DMD: variants seen among roughly 807,000 people sequenced by gnomAD.
DMD encodes the protein dystrophin, also known as mutant dystrophin.
In DMD, 63 loss-of-function variants were observed where a neutral mutation model predicts 330.1. The ratio of observed to expected loss-of-function variants is 0.19; its 90% CI spans 0.16 to 0.24. The LOEUF (loss-of-function observed/expected upper bound fraction) is 0.24, where lower values mean the gene tolerates loss of function less well. Among genes scored for constraint, DMD ranks in the 10% least tolerant of loss-of-function variants. The pLI, the probability that DMD is intolerant of heterozygous loss-of-function variation, is 1.00. For missense variants in DMD, 3,344 were observed against 2,684.1 expected (o/e 1.25, Z -5.43); for synonymous variants, 1,223 against 959.8 (o/e 1.27, Z -5.07).
intron 67 of DMD, among the ~76,000 whole-genome samples, chrX:31,195,591 G>A (rs1433918998): frequency 9.0e-6 from 1 of 110,628 alleles, no homozygotes; most frequent in African/African-American, 3.3e-5. Flanking sequence ...TCCAGTTCAG[G>A]AAAAGGCAAA....
intron 5 of DMD, among the ~76,000 whole-genome samples, chrX:32,822,667 G>A (rs931190413): frequency 7.3e-5 from 8 of 109,372 alleles, no homozygotes; most frequent in Non-Finnish European, 1.3e-4. Context: ...ATATATGTGT[G>A]TATATATAGA....
chrX:33,072,198 A>T (rs1472498005), intron 1 of DMD, among the ~76,000 whole-genome samples: 2 of 112,181 alleles, frequency 1.8e-5, no homozygotes, highest in Non-Finnish European at 3.8e-5. Context: ...CAGGCGGATC[A>T]CCTGAGGTCA....
chrX:33,032,925 A>T (rs1414825649), intron 1 of DMD, among the ~76,000 whole-genome samples: 8 of 112,314 alleles, frequency 7.1e-5, no homozygotes. Context: ...GCCAAAAATT[A>T]TAAATAGGAA....
chrX:32,652,871 G>C (rs2060267257), intron 9 of DMD, among the ~76,000 whole-genome samples: 1 of 111,875 alleles, frequency 8.9e-6, no homozygotes, highest in African/African-American at 3.3e-5. Context: ...ATGTGCAATG[G>C]TATCTCATTG....
At chrX:32,085,629 C>CGTGT (rs1226156180) in intron 44 of DMD, among the ~76,000 whole-genome samples, 1 of 55,040 alleles carries the variant, frequency 1.8e-5, no homozygotes, top group African/African-American at 6.8e-5. Context: ...TATATATATA[C>CGTGT]ACATATATAC....
At position 31,121,205 on chromosome X, in the gene DMD, T is replaced by C. The variant is rs1451887119; in HGVS notation, c.*714A>G. ...ATAGAAATTCGTATCTCTTTATCTA[T>C]ATAACTATAGTATTTATATACTTAT... On this transcript the variant is annotated 3_prime_UTR_variant, in exon 79 of 79. Transcript: ENST00000357033. 1 of 111,878 alleles carries C rather than the reference T, an allele frequency of 8.9e-6. No homozygotes were observed. Among genetic ancestry groups the C allele is most frequent in the Non-Finnish European group, 1.9e-5 (1 of 53,150 alleles). 9.2% of individuals were successfully genotyped at this position (111,878 alleles called of 1,213,427 possible).
intron 61 of DMD, among the ~76,000 whole-genome samples, chrX:31,333,342 A>G (rs752177859): frequency 2.8e-5 from 3 of 107,572 alleles, no homozygotes; most frequent in Non-Finnish European, 5.7e-5. Context: ...GATTCATGTT[A>G]ATGGAATTCT....
chrX:32,495,070 A>G (rs184110989), intron 19 of DMD, among the ~76,000 whole-genome samples: 64 of 112,054 alleles, frequency 5.7e-4, no homozygotes, highest in Non-Finnish European at 9.0e-4. Context: ...AGAAACGAAA[A>G]CATTTCAAAA....
chrX:31,962,123 T>G (rs1363102386), intron 45 of DMD, among the ~76,000 whole-genome samples: 1 of 111,299 alleles, frequency 9.0e-6, no homozygotes, highest in Non-Finnish European at 1.9e-5. Flanking sequence ...AGTCTGTGCC[T>G]TCGTTGCCCT....
intron 2 of DMD, among the ~76,000 whole-genome samples, chrX:32,876,829 T>C (rs2083421841): frequency 8.9e-6 from 1 of 112,490 alleles, no homozygotes; most frequent in South Asian, 3.7e-4. Flanking sequence ...GTGACACTAA[T>C]CTGTGCCAAA....
At chrX:32,559,789 T>G (rs2050781068) in intron 16 of DMD, among the ~76,000 whole-genome samples, 2 of 112,163 alleles carry the variant, frequency 1.8e-5, no homozygotes, top group African/African-American at 6.5e-5. Flanking sequence ...TATTACTATT[T>G]GATAGGAGTT....
At chrX:32,720,390 C>A (rs757287774) in intron 7 of DMD, among the ~76,000 whole-genome samples, 1 of 111,639 alleles carries the variant, frequency 9.0e-6, no homozygotes, top group African/African-American at 3.3e-5. Context: ...CTATTACTTA[C>A]ATTTTCTTTT....
At chrX:33,321,746 G>C (rs772225361) in intron 1 of DMD, among the ~76,000 whole-genome samples, 4 of 112,203 alleles carry the variant, frequency 3.6e-5, no homozygotes, top group East Asian at 5.6e-4. Flanking sequence ...CAAATAGAAG[G>C]CTATTTCATC....
chrX:32,686,574 AAAAAAAAAG>A (rs1338887340), intron 9 of DMD, among the ~76,000 whole-genome samples: 2 of 106,875 alleles, frequency 1.9e-5, no homozygotes, highest in African/African-American at 6.9e-5. Flanking sequence ...AAAAAAAAAA[AAAAAAAAAG>A]AAAAGAAAAG....
intron 55 of DMD, among the ~76,000 whole-genome samples, chrX:31,513,438 C>A (rs10521973): frequency 0.1 from 11,063 of 110,032 alleles, 437 homozygotes; most frequent in East Asian, 0.13. Flanking sequence ...TTAAAGACTA[C>A]ACCTCAGACT....
At chrX:31,571,254 G>GGTGTGTGTGTGTGTGT (rs371098859) in intron 55 of DMD, among the ~76,000 whole-genome samples, 1,831 of 90,414 alleles carry the variant, frequency 0.02, 36 homozygotes, top group Admixed American at 0.069. Context: ...GATTTAAAGG[G>GGTGTGTGTGTGTGTGT]GTGTGTGTGT....
At chrX:31,669,800 T>C (rs1336337587) in intron 53 of DMD, among the ~76,000 whole-genome samples, 3 of 108,138 alleles carry the variant, frequency 2.8e-5, no homozygotes, top group Non-Finnish European at 5.7e-5. Flanking sequence ...CTACATCCCT[T>C]GCATTTCAAT....
intron 7 of DMD, among the ~76,000 whole-genome samples, chrX:32,770,934 A>G (rs762552070): frequency 8.9e-6 from 1 of 111,890 alleles, no homozygotes; most frequent in Non-Finnish European, 1.9e-5. Flanking sequence ...AAGCCTTTCA[A>G]CTACAGGAAC....
intron 7 of DMD, among the ~76,000 whole-genome samples, chrX:32,735,667 A>G (rs2148109273): frequency 8.9e-6 from 1 of 112,043 alleles, no homozygotes; most frequent in South Asian, 3.7e-4. Flanking sequence ...CAATGGGGAA[A>G]GGATTCCCTA....
Sources: allele counts gnomAD v4.1 joint callset (sites outside exome capture counted in the v4.1 genomes callset), GRCh38; gene constraint gnomAD v4.1.1; transcripts MANE v1.5; gene names NCBI Gene and HGNC (gene_info 2026-07-23, HGNC 2026-07-21).